The following SGCE variants were observed in gnomAD, a reference collection of about 807,000 sequenced individuals.
SGCE encodes the protein sarcoglycan epsilon.
Under a neutral mutation model 57.8 loss-of-function variants are expected in SGCE, and 26 were observed. The ratio of observed to expected loss-of-function variants is 0.45; its 90% CI spans 0.33 to 0.62. The LOEUF is 0.62. Ranked by LOEUF, SGCE falls within the 20% of genes least tolerant of loss-of-function variation. The pLI is 0.02. For synonymous variants in SGCE, 183 were observed against 189.5 expected, an observed-to-expected ratio of 0.97 and a Z score of 0.28; for missense variants, 468 against 548.6, an observed-to-expected ratio of 0.85 and a Z score of 1.47.
intron 10 of SGCE, among the ~76,000 whole-genome samples, chr7:94,586,087 A>AC (rs1796877179): frequency 2.7e-5 from 4 of 145,590 alleles, no homozygotes; most frequent in South Asian, 4.4e-4. Flanking sequence ...AAAAAAAAAA[A>AC]CAACAACTTC....
At chr7:94,594,899 T>C (rs755432367) in intron 9 of SGCE, among the ~76,000 whole-genome samples, 2 of 152,150 alleles carry the variant, frequency 1.3e-5, no homozygotes, top group Non-Finnish European at 2.9e-5. Context: ...CAGTACAAAA[T>C]GAAACACCTC....
intron 1 of SGCE, among the ~76,000 whole-genome samples, chr7:94,652,661 C>A (rs1808066670): frequency 6.6e-6 from 1 of 152,152 alleles, no homozygotes; most frequent in Non-Finnish European, 1.5e-5. Flanking sequence ...TGCAATTTAT[C>A]CACCATACTA....
intron 5 of SGCE, among the ~76,000 whole-genome samples, chr7:94,612,766 A>C (rs1000991047): frequency 1.3e-5 from 2 of 152,034 alleles, no homozygotes; most frequent in African/African-American, 4.8e-5. Flanking sequence ...TGAGCTCATC[A>C]TTACCCCACC....
At chr7:94,646,554 C>A (rs1025488970) in intron 1 of SGCE, among the ~76,000 whole-genome samples, 1 of 152,168 alleles carries the variant, frequency 6.6e-6, no homozygotes, top group Non-Finnish European at 1.5e-5. Context: ...AATTTAATGT[C>A]CTCACTTGCA....
chr7:94,653,653 T>G (rs1291109972), intron 1 of SGCE, among the ~76,000 whole-genome samples: 1 of 152,058 alleles, frequency 6.6e-6, no homozygotes, highest in Non-Finnish European at 1.5e-5. Context: ...TAGTATTGTT[T>G]TGTTTTTTGG....
intron 1 of SGCE, among the ~76,000 whole-genome samples, chr7:94,643,841 T>C (rs537426468): frequency 6.6e-6 from 1 of 152,332 alleles, no homozygotes; most frequent in East Asian, 1.9e-4. Context: ...CAATGCATTT[T>C]TTTATGTGAG....
At chr7:94,599,049 T>A in intron 8 of SGCE, 86 bp from the exon 9 acceptor site, 1 of 974,078 alleles carries the variant, frequency 1.0e-6, no homozygotes, top group Non-Finnish European at 1.6e-6. Context: ...TATGAAGTAT[T>A]TTTATCTTTT....
chr7:94,633,314 A>G (rs1805019842), intron 1 of SGCE, among the ~76,000 whole-genome samples: 1 of 152,148 alleles, frequency 6.6e-6, no homozygotes, highest in Non-Finnish European at 1.5e-5. Flanking sequence ...TAGCAAGCAT[A>G]GCTAGATTTA....
intron 1 of SGCE, among the ~76,000 whole-genome samples, chr7:94,647,869 T>TA (rs1352142253): frequency 6.6e-6 from 1 of 152,168 alleles, no homozygotes; most frequent in East Asian, 1.9e-4. Flanking sequence ...ATCCTCTACT[T>TA]ACAAGTTCTA....
intron 6 of SGCE, 63 bp downstream of exon 6, chr7:94,603,227 T>G: frequency 7.4e-7 from 1 of 1,350,692 alleles, no homozygotes; most frequent in Non-Finnish European, 1.0e-6. Context: ...CAGGTTTTAG[T>G]CAAACGTTAA....
At chr7:94,620,078 T>C (rs1802530311) in intron 4 of SGCE, 1 of 152,200 alleles carries the variant, frequency 6.6e-6, no homozygotes, top group Non-Finnish European at 1.5e-5. Flanking sequence ...ACTATGTATA[T>C]CCTCTCATTT....
intron 5 of SGCE, among the ~76,000 whole-genome samples, chr7:94,616,087 C>T (rs575182295): frequency 7.7e-4 from 117 of 152,170 alleles, no homozygotes; most frequent in Non-Finnish European, 1.3e-3. Context: ...TGAAAGCTGT[C>T]AGTGAGTTCT....
rs1242998411 is a variant in SGCE at position 94,655,372 on chromosome 7, G to GT, written c.109+617dup. On this transcript the variant is annotated intron_variant, in intron 1 of 10. Transcript: ENST00000648936. ...GGGTTAACCCTGACCTGAACGCCCTGTTTAGCTCCCAGCATTTCATGATTC... is the reference window on the plus strand; with the variant it reads ...GGGTTAACCCTGACCTGAACGCCCTGTTTTAGCTCCCAGCATTTCATGATTC... Among the ~76,000 whole-genome samples the GT allele has an allele frequency of 2.0e-5, 3 of 152,120 alleles. No individual in the cohort carries two copies. In the South Asian group the frequency reaches 6.2e-4, roughly 32 times the overall value.
chr7:94,629,236 T>C (rs972854783), intron 2 of SGCE: 3 of 154,104 alleles, frequency 1.9e-5, no homozygotes, highest in Non-Finnish European at 4.3e-5. Context: ...GACTTCATAA[T>C]TGGTATCACT....
At position 94,607,235 on chromosome 7, in the gene SGCE, A is replaced by T. The variant is rs1175137806; in HGVS notation, c.663-3783T>A. Among the ~76,000 whole-genome samples, 5 of 152,206 alleles carry T rather than the reference A, an allele frequency of 3.3e-5. 1 individual carries two copies. The South Asian group carries it at 6.2e-4, about 19-fold the overall frequency. ...CTACTAGACATTTAAGGGAGAAATT[A>T]TGCCAACTCTCTACAATATTTCTCA... is the stretch of plus-strand genomic sequence containing the variant. On this transcript the variant is annotated intron_variant, in intron 5 of 10. Coordinates refer to ENST00000648936, the MANE Select transcript of SGCE (RefSeq NM_003919.3).
In SGCE at chr7:94,618,778, G is replaced by A; in HGVS notation, c.642C>T (p.Pro214=). The A allele has an allele frequency of 1.2e-6, 2 of 1,613,800 alleles. No individual in the cohort carries two copies. Among genetic ancestry groups the A allele is most frequent in the Non-Finnish European group, 1.7e-6 (2 of 1,179,770 alleles). Residue 214 remains proline, a synonymous_variant, in exon 5 of 11, where the codon CCC becomes CCT. Transcript: ENST00000648936. ...ALDRGGRVPL[P]INDLKEGVYV... ...CTTACCCCTCCTTCAGGTCATTAAT[G>A]GGAAGTGGCACCCTGCCACCCCTGT...
Position 94,598,832 on chromosome 7 carries a change from G to A in SGCE, c.1196C>T (p.Pro399Leu), listed in dbSNP as rs17851923. ...VFHPVTGEII[P>L]PLHTDNYDST... ...ATCATAGTTGTCTGTGTGTAAAGGA[G>A]GTATGATTTCCCCAGTCACAGGGTG... Residue 399 changes from proline to leucine, a missense_variant, in exon 9 of 11, where the codon CCT (proline) becomes CTT (leucine). By Grantham distance (98) the Pro-to-Leu change is moderately conservative. Transcript: ENST00000648936. 1.1e-4 allele frequency: 184 copies of A among 1,613,164 alleles called. No individual in the cohort carries two copies. Among genetic ancestry groups the A allele is most frequent in the Non-Finnish European group, 1.4e-4 (169 of 1,179,278 alleles).
intron 1 of SGCE, among the ~76,000 whole-genome samples, chr7:94,634,182 C>A (rs1009573484): frequency 3.3e-5 from 5 of 152,054 alleles, no homozygotes; most frequent in East Asian, 3.9e-4. Flanking sequence ...CCATTTATAT[C>A]ATCATTTTCT....
intron 9 of SGCE, 110 bp downstream of exon 9, chr7:94,598,665 C>T: frequency 1.2e-6 from 1 of 827,434 alleles, no homozygotes; most frequent in Non-Finnish European, 2.1e-6. Flanking sequence ...TTGTTATTTT[C>T]TCTTCCAGTT....
Sources: gnomAD v4.1 joint callset for allele counts (sites outside exome capture counted in the v4.1 genomes callset) on GRCh38, gnomAD v4.1.1 for gene constraint, MANE v1.5 for transcripts, NCBI Gene and HGNC (gene_info 2026-07-23, HGNC 2026-07-21) for gene names.